The following DCAF6 variants were observed in gnomAD, a reference collection of about 807,000 sequenced individuals.
DCAF6 encodes the protein DDB1 and CUL4 associated factor 6.
In DCAF6, 54 loss-of-function variants were observed where a neutral mutation model predicts 125.1. The ratio of observed to expected loss-of-function variants is 0.43; its 90% confidence interval spans 0.35 to 0.54. DCAF6 has a LOEUF of 0.54. DCAF6 is among the 20% of genes least tolerant of loss of function. The probability of loss-of-function intolerance (pLI) is 0.01; values close to 1 mark genes in which losing one functional copy is unlikely to be tolerated. For synonymous variants in DCAF6, 371 were observed against 390.4 expected (o/e 0.95, Z 0.58); for missense variants, 934 against 1,161.7 (o/e 0.80, Z 2.85).
the DCAF6 span, among the ~76,000 whole-genome samples, chr1:167,865,925 ACT>A: frequency 6.6e-6 from 1 of 151,318 alleles, no homozygotes; most frequent in African/African-American, 2.4e-5. Flanking sequence ...GTCATGCCAA[ACT>A]CTCTCTGCTA....
At chr1:167,905,134 T>C in the DCAF6 span, 2 of 1,614,138 alleles carry the variant, frequency 1.2e-6, no homozygotes, top group Non-Finnish European at 1.7e-6. Flanking sequence ...TCTTTTGGAG[T>C]GTTCATGTTC....
chr1:167,864,840 A>T, the DCAF6 span, among the ~76,000 whole-genome samples: 1 of 151,102 alleles, frequency 6.6e-6, no homozygotes, highest in East Asian at 1.9e-4. Flanking sequence ...TAACCCAGTA[A>T]CCCACGGATG....
chr1:167,878,380 C>T, the DCAF6 span: 2 of 1,556,838 alleles, frequency 1.3e-6, no homozygotes, highest in South Asian at 2.2e-5. Flanking sequence ...TGGGTGACTG[C>T]TTTGCTATCA....
intron 12 of DCAF6, among the ~76,000 whole-genome samples, chr1:168,034,818 CT>C (rs1304766562): frequency 6.6e-6 from 1 of 152,082 alleles, no homozygotes; most frequent in Non-Finnish European, 1.5e-5. Flanking sequence ...GTAAATAAGA[CT>C]TTGAAAAATA....
At chr1:167,924,332 T>C in the DCAF6 span, 1 of 504,770 alleles carries the variant, frequency 2.0e-6, no homozygotes, top group Admixed American at 4.2e-5. Context: ...AGTAGATAGT[T>C]GCTTTATGTA....
At chr1:168,002,679 TTATACA>T (rs1682807984) in intron 8 of DCAF6, 104 bp downstream of exon 8, 4 of 835,988 alleles carry the variant, frequency 4.8e-6, no homozygotes, top group Admixed American at 2.7e-5. Context: ...ATGAACATTC[TTATACA>T]TATAGGTATA....
chr1:168,061,783 C>T (rs1227596876), intron 17 of DCAF6, among the ~76,000 whole-genome samples: 1 of 152,090 alleles, frequency 6.6e-6, no homozygotes. Flanking sequence ...TGGAACTTTA[C>T]ACTATGGGTG....
chr1:167,956,422 A>T (rs1674797915), intron 2 of DCAF6, among the ~76,000 whole-genome samples: 1 of 152,024 alleles, frequency 6.6e-6, no homozygotes, highest in Admixed American at 6.6e-5. Flanking sequence ...TGTGTTTCTC[A>T]TTACTGATAT....
chr1:168,032,423 C>G (rs1687220839), intron 12 of DCAF6, among the ~76,000 whole-genome samples: 1 of 152,170 alleles, frequency 6.6e-6, no homozygotes, highest in African/African-American at 2.4e-5. Flanking sequence ...AATCTGGAAT[C>G]TACAAAAAAG....
chr1:167,955,656 CT>C (rs1181999584), intron 2 of DCAF6, among the ~76,000 whole-genome samples: 1 of 151,436 alleles, frequency 6.6e-6, no homozygotes, highest in African/African-American at 2.4e-5. Flanking sequence ...AGTTTTACTT[CT>C]TTTCTAGTCT....
At chr1:167,884,572 C>G in the DCAF6 span, among the ~76,000 whole-genome samples, 1 of 152,016 alleles carries the variant, frequency 6.6e-6, no homozygotes, top group African/African-American at 2.4e-5. Context: ...CTAGGTCTTT[C>G]TCATTCTTTC....
chr1:167,938,119 T>A (rs1671615739), intron 1 of DCAF6, among the ~76,000 whole-genome samples: 1 of 152,194 alleles, frequency 6.6e-6, no homozygotes. Context: ...TCAATAAAAA[T>A]GAAGCAAAAA....
chr1:167,898,022 A>T, the DCAF6 span, among the ~76,000 whole-genome samples: 2 of 142,796 alleles, frequency 1.4e-5, no homozygotes, highest in Non-Finnish European at 3.0e-5. Context: ...AAAAAAAAAA[A>T]AAATCAACAA....
intron 13 of DCAF6, among the ~76,000 whole-genome samples, chr1:168,039,576 G>C (rs1194016404): frequency 1.4e-5 from 2 of 147,772 alleles, no homozygotes; most frequent in African/African-American, 2.5e-5. Flanking sequence ...TATTGATATA[G>C]TATTTCTTAA....
chr1:168,018,538 A>C (rs1008144453), intron 11 of DCAF6, among the ~76,000 whole-genome samples: 3 of 152,170 alleles, frequency 2.0e-5, no homozygotes, highest in Non-Finnish European at 4.4e-5. Context: ...CCTGAAGCCC[A>C]GTTTGAAAAT....
intron 18 of DCAF6, among the ~76,000 whole-genome samples, chr1:168,064,159 A>AATTT (rs1692031350): frequency 1.3e-5 from 2 of 149,882 alleles, no homozygotes; most frequent in African/African-American, 4.9e-5. Context: ...ATAAAATCTA[A>AATTT]GTTGATTGCA....
intron 4 of DCAF6, among the ~76,000 whole-genome samples, chr1:167,986,913 TA>T (rs1316334359): frequency 2.6e-5 from 4 of 152,192 alleles, no homozygotes; most frequent in Admixed American, 6.5e-5. Context: ...TGTACTTCAT[TA>T]AAAAAGGTTT....
At chr1:167,896,738 T>A in the DCAF6 span, 1 of 1,326,088 alleles carries the variant, frequency 7.5e-7, no homozygotes, top group Non-Finnish European at 1.1e-6. Context: ...GAGAACTGTT[T>A]AATCCTTTGA....
chr1:168,038,336 G>A (rs1219529840), intron 12 of DCAF6, 35 bp from the exon 13 acceptor site: 1 of 1,486,674 alleles, frequency 6.7e-7, no homozygotes, highest in Admixed American at 1.9e-5. Flanking sequence ...ACTGGTTTCA[G>A]AGACTTTTTC....
Sources: gnomAD v4.1 joint callset for allele counts (sites outside exome capture counted in the v4.1 genomes callset) on GRCh38, gnomAD v4.1.1 for gene constraint, MANE v1.5 for transcripts, NCBI Gene and HGNC (gene_info 2026-07-23, HGNC 2026-07-21) for gene names.